Variants in CHODL observed in about 807,000 individuals in gnomAD.
CHODL encodes the protein chondrolectin, also known as transmembrane protein MT75.
A neutral mutation model predicts 34.5 loss-of-function variants in CHODL; 29 were observed. That is an observed-to-expected ratio of 0.84 (90% confidence interval 0.63 to 1.15). CHODL has a LOEUF of 1.15. Among genes scored for constraint, CHODL ranks in the 50% most tolerant of loss-of-function variants. The probability of loss-of-function intolerance (pLI) is 0.00; values close to 1 mark genes in which losing one functional copy is unlikely to be tolerated. For missense variants in CHODL, 332 were observed against 332.5 expected (o/e 1.00, Z 0.01); for synonymous variants, 125 against 116.1 (o/e 1.08, Z -0.49).
At chr21:18,248,132 A>G (rs903893187) in intron 1 of CHODL, among the ~76,000 whole-genome samples, 12 of 151,784 alleles carry the variant, frequency 7.9e-5, no homozygotes, top group Admixed American at 1.3e-4. Context: ...ACTTTAATAT[A>G]TATCAGTTTA....
At position 18,174,157 on chromosome 21, in the gene CHODL, A is replaced by ATATATATATATG. The variant is rs1555879240; in HGVS notation, c.-44-82348_-44-82347insTATATATGTATA. 4.2e-3 allele frequency among the ~76,000 whole-genome samples: 370 copies of ATATATATATATG among 88,164 alleles called. 15 individuals are homozygous for ATATATATATATG. The highest frequency in any genetic ancestry group is 0.019 in the East Asian group (60 of 3,206). The allele number at this position is 88,164 out of a possible 152,430, so 57.8% of individuals were successfully genotyped here. A position where few individuals can be genotyped will look rare whatever the true frequency, so the allele number is the denominator to read the frequency against. ...TATATATATATATATATATATATATATATAAAATCAAGTCTCTCAGAGTAG... is the reference window on the plus strand; with the variant it reads ...TATATATATATATATATATATATATATATATATATATGTATAAAATCAAGTCTCTCAGAGTAG... On this transcript the variant is annotated intron_variant, in intron 2 of 6. Coordinates refer to the CHODL transcript ENST00000400127.
intron 1 of CHODL, among the ~76,000 whole-genome samples, chr21:17,976,270 G>GAAAA (rs71318119): frequency 1.8e-4 from 12 of 66,520 alleles, no homozygotes; most frequent in Non-Finnish European, 2.9e-4. Context: ...GACCATCTCA[G>GAAAA]AAAAAAAAAA....
chr21:18,221,180 C>G lies in CHODL; in HGVS notation c.-44-35329C>G, dbSNP rs533458334. On this transcript the variant is annotated intron_variant, in intron 2 of 6. Transcript: ENST00000400127. ...TGCTTAATCTAGTCTTTTGTTGAAGCTCTCAATTGTATTTTTAAATTTTGT... is the reference window on the plus strand; with the variant it reads ...TGCTTAATCTAGTCTTTTGTTGAAGGTCTCAATTGTATTTTTAAATTTTGT... Among the ~76,000 whole-genome samples, 32 of 152,014 alleles carry G rather than the reference C, an allele frequency of 2.1e-4. 1 individual carries two copies. The highest frequency in any genetic ancestry group is 5.8e-4 in the African/African-American group (24 of 41,452).
chr21:17,996,714 T>C (rs1275366515), intron 1 of CHODL, among the ~76,000 whole-genome samples: 1 of 152,246 alleles, frequency 6.6e-6, no homozygotes, highest in Admixed American at 6.5e-5. Flanking sequence ...AAAGGAACTT[T>C]TTAATAATAA....
chr21:18,207,131 C>T (rs958106870), intron 2 of CHODL, among the ~76,000 whole-genome samples: 8 of 151,968 alleles, frequency 5.3e-5, no homozygotes, highest in Admixed American at 6.6e-5. Context: ...GAGAACATGC[C>T]GTGTTTGGTT....
Position 18,052,044 on chromosome 21 carries a change from G to A in CHODL, c.-45+24073G>A, listed in dbSNP as rs151324261. ...CAGATTAGCTGTTTTGTCATTATCC[G>A]CCTCTTTAGAAGTTTGTTTTGCGGG... On this transcript the variant is annotated intron_variant, in intron 2 of 6. Transcript: ENST00000400127. Among the ~76,000 whole-genome samples, 401 of 151,952 alleles carry A rather than the reference G, an allele frequency of 2.6e-3. 1 individual carries two copies. Among genetic ancestry groups the A allele is most frequent in the Admixed American group, 5.4e-3 (82 of 15,222 alleles).
chr21:17,948,858 C>G (rs2063433768), intron 1 of CHODL, among the ~76,000 whole-genome samples: 1 of 152,092 alleles, frequency 6.6e-6, no homozygotes. Context: ...TCTAATCAAA[C>G]TACTCCAAAA....
In CHODL at chr21:18,174,133, A is replaced by ATATATATATATATCTTGG. The variant is rs1656075264; in HGVS notation, c.-44-82363_-44-82362insCTTGGTATATATATATAT. 1.3e-3 allele frequency among the ~76,000 whole-genome samples: 23 copies of ATATATATATATATCTTGG among 17,832 alleles called. 2 individuals carry two copies. The highest frequency in any genetic ancestry group is 4.8e-3 in the Non-Finnish European group (19 of 3,918). The allele number at this position is 17,832 out of a possible 152,430, so 11.7% of individuals were successfully genotyped here. On this transcript the variant is annotated intron_variant, in intron 2 of 6. Transcript: ENST00000400127. ...TATATATATCTTGGTGTATATATAT[A>ATATATATATATATCTTGG]TATATATATATATATATATATATAT...
intron 2 of CHODL, among the ~76,000 whole-genome samples, chr21:18,203,993 T>C (rs1487228996): frequency 1.3e-5 from 2 of 152,184 alleles, no homozygotes; most frequent in Non-Finnish European, 1.5e-5. Context: ...TTCTGTTCTT[T>C]ATATGCTAAA....
At chr21:18,205,267 A>G (rs139353405) in intron 2 of CHODL, among the ~76,000 whole-genome samples, 1 of 152,200 alleles carries the variant, frequency 6.6e-6, no homozygotes, top group East Asian at 1.9e-4. Flanking sequence ...TTCTTTCTAT[A>G]CCCAGTTTTT....
intron 1 of CHODL, among the ~76,000 whole-genome samples, chr21:18,003,016 G>C (rs1216897115): frequency 6.6e-6 from 1 of 151,826 alleles, no homozygotes; most frequent in Non-Finnish European, 1.5e-5. Context: ...CCAGCTACTC[G>C]GGAGGCTGAG....
At chr21:18,178,350 C>T (rs759943597) in intron 2 of CHODL, among the ~76,000 whole-genome samples, 3 of 152,036 alleles carry the variant, frequency 2.0e-5, no homozygotes, top group Non-Finnish European at 4.4e-5. Context: ...CTTTCCATGT[C>T]CAAAAGTAAG....
Position 18,256,970 on chromosome 21 carries a change from A to C in CHODL, c.390A>C (p.Arg130=). The change falls in exon 3 of 6, where the codon CGA becomes CGC. Residue 130 remains arginine, a splice_region_variant and synonymous_variant. Transcript: ENST00000299295. ...QWSDGSNSQY[R]NWYTDEPSCG... ...TGTTCCTATTACTCTCTGTTTGCAGAAACTGGTACACAGATGAACCTTCCT... is the reference window on the plus strand; with the variant it reads ...TGTTCCTATTACTCTCTGTTTGCAGCAACTGGTACACAGATGAACCTTCCT... The C allele has an allele frequency of 1.2e-6, 2 of 1,611,352 alleles. No individual in the cohort carries two copies. The highest frequency in any genetic ancestry group is 1.7e-6 in the Non-Finnish European group (2 of 1,178,866).
intron 2 of CHODL, among the ~76,000 whole-genome samples, chr21:18,188,632 G>T (rs1008556): frequency 0.35 from 53,507 of 152,092 alleles, 10,919 homozygotes; most frequent in African/African-American, 0.56. Context: ...ATTGGGATAT[G>T]TTGACGTTTT....
intron 2 of CHODL, among the ~76,000 whole-genome samples, chr21:18,132,389 A>T (rs1296967106): frequency 2.6e-5 from 4 of 152,218 alleles, no homozygotes; most frequent in Non-Finnish European, 4.4e-5. Context: ...ATGGGAAAAC[A>T]TAAGAAAAAT....
At chr21:18,166,245 G>A (rs912657989) in intron 2 of CHODL, among the ~76,000 whole-genome samples, 12 of 152,168 alleles carry the variant, frequency 7.9e-5, no homozygotes, top group Non-Finnish European at 1.5e-4. Context: ...TGCCCCACAA[G>A]CTCTCCATTA....
At chr21:18,101,180 G>C (rs551525595) in intron 2 of CHODL, among the ~76,000 whole-genome samples, 1 of 152,206 alleles carries the variant, frequency 6.6e-6, no homozygotes, top group Non-Finnish European at 1.5e-5. Context: ...TTAAAAACGG[G>C]AGTTTCTCTG....
At chr21:18,066,958 C>G (rs1449621887) in intron 2 of CHODL, among the ~76,000 whole-genome samples, 2 of 152,058 alleles carry the variant, frequency 1.3e-5, no homozygotes, top group African/African-American at 4.8e-5. Flanking sequence ...TGATCTTGAC[C>G]CTCCTAAGCC....
At chr21:18,095,124 A>C (rs1408821235) in intron 2 of CHODL, among the ~76,000 whole-genome samples, 6 of 53,466 alleles carry the variant, frequency 1.1e-4, no homozygotes, top group African/African-American at 3.1e-4. Context: ...ACTTTGTCTC[A>C]AAAAAAAAAA....
Sources: allele counts gnomAD v4.1 joint callset (sites outside exome capture counted in the v4.1 genomes callset), GRCh38; gene constraint gnomAD v4.1.1; transcripts MANE v1.5; gene names NCBI Gene and HGNC (gene_info 2026-07-23, HGNC 2026-07-21).